Variants in STMND1 observed in about 807,000 individuals in gnomAD.
STMND1 encodes the protein stathmin domain containing 1.
A neutral mutation model predicts 23.0 loss-of-function variants in STMND1; 17 were observed. The ratio of observed to expected loss-of-function variants is 0.74; its 90% confidence interval spans 0.51 to 1.11. The LOEUF (loss-of-function observed/expected upper bound fraction) is 1.11. STMND1 is among the 50% of genes least tolerant of loss of function. STMND1 has a pLI of 0.00. For missense variants in STMND1, 305 were observed against 329.1 expected (o/e 0.93, Z 0.57); for synonymous variants, 114 against 119.9 (o/e 0.95, Z 0.32).
chr6:17,110,985 A>G (rs1349780825), intron 1 of STMND1: 4 of 403,356 alleles, frequency 9.9e-6, no homozygotes, highest in Non-Finnish European at 2.0e-5. Flanking sequence ...AAGACATGGT[A>G]GTCAGGGGAG....
Position 17,130,734 on chromosome 6 carries a change from A to G in STMND1, c.684A>G (p.Glu228=), listed in dbSNP as rs1055610035. ...AAAGGGTGAGGTCTGCTGGATTTGA[A>G]CCATCTGACCTGCAGGGAGGAAAAC... ...GLQRVRSAGF[E]PSDLQGGKPL... The change falls in exon 5 of 5, where the codon GAA becomes GAG. Residue 228 remains glutamate, a synonymous_variant. Coordinates refer to ENST00000536551, the MANE Select transcript of STMND1 (RefSeq NM_001190766.2). The G allele has an allele frequency of 6.5e-7, 1 of 1,536,080 alleles. No homozygotes were observed. The highest frequency in any genetic ancestry group is 8.7e-7 in the Non-Finnish European group (1 of 1,146,896).
rs1455447905 is a variant in STMND1 at position 17,122,048 on chromosome 6, A to G, written c.411+1290A>G. 2.6e-5 allele frequency among the ~76,000 whole-genome samples: 4 copies of G among 152,054 alleles called. No individual in the cohort carries two copies. In the East Asian group the frequency reaches 7.7e-4, roughly 29 times the overall value. ...CAGCTAATTTTTGTATTTTTAGTAGAGACAGGATTTCACCATCTTGACCAG... is the reference window on the plus strand; with the variant it reads ...CAGCTAATTTTTGTATTTTTAGTAGGGACAGGATTTCACCATCTTGACCAG... On this transcript the variant is annotated intron_variant, in intron 3 of 4. Coordinates refer to ENST00000536551, the MANE Select transcript of STMND1 (RefSeq NM_001190766.2).
chr6:17,109,151 TC>T (rs1761066375), intron 1 of STMND1, among the ~76,000 whole-genome samples: 2 of 152,192 alleles, frequency 1.3e-5, no homozygotes. Flanking sequence ...GAAAAGCACA[TC>T]GTTGCTTTTA....
chr6:17,120,443 T>C (rs551687067), intron 2 of STMND1, among the ~76,000 whole-genome samples, 164 bp from the exon 3 acceptor site: 3 of 152,272 alleles, frequency 2.0e-5, no homozygotes, highest in South Asian at 4.1e-4. Flanking sequence ...AATGAATAAT[T>C]TGAACTTCAA....
Position 17,131,056 on chromosome 6 carries a change from A to C in STMND1, c.*175A>C. On this transcript the variant is annotated 3_prime_UTR_variant, in exon 5 of 5. Coordinates refer to ENST00000536551, the MANE Select transcript of STMND1 (RefSeq NM_001190766.2). ...GGTTAGTTGAGTAAATTAAGTAGCT[A>C]TGCTAGCTTTTAAAAAAAGAGCGAG... 1.8e-6 allele frequency: 1 copy of C among 558,406 alleles called. No homozygotes were observed. Among genetic ancestry groups the C allele is most frequent in the African/African-American group, 1.9e-5 (1 of 53,096 alleles). The allele number at this position is 558,406 out of a possible 1,614,324, so 34.6% of individuals were successfully genotyped here.
rs979216934 is a variant in STMND1, at chr6:17,102,160, C to T, written c.-98C>T. 1.0e-5 allele frequency: 13 copies of T among 1,259,708 alleles called. No homozygotes were observed. The highest frequency in any genetic ancestry group is 9.0e-5 in the East Asian group (3 of 33,212). 78.0% of individuals were successfully genotyped at this position (1,259,708 alleles called of 1,614,324 possible). A position where few individuals can be genotyped will look rare whatever the true frequency, so the allele number is the denominator to read the frequency against. On this transcript the variant is annotated 5_prime_UTR_variant, in exon 1 of 5. Coordinates refer to ENST00000536551, the MANE Select transcript of STMND1 (RefSeq NM_001190766.2). Reference sequence around the variant, plus strand: ...AGTAGCAGGGGCGTAGGGCGCAGGGCGCAGGAGCGCGGGACCACCGGCGCC... The same window carrying T: ...AGTAGCAGGGGCGTAGGGCGCAGGGTGCAGGAGCGCGGGACCACCGGCGCC...
rs1192701411 is a variant in STMND1 at position 17,130,915 on chromosome 6, A to G, written c.*34A>G. 6.8e-7 allele frequency: 1 copy of G among 1,472,270 alleles called. No individual in the cohort carries two copies. 91.2% of individuals were successfully genotyped at this position (1,472,270 alleles called of 1,614,324 possible). On this transcript the variant is annotated 3_prime_UTR_variant, in exon 5 of 5. Transcript: ENST00000536551. ...TTGTGAATTTCATAAGAAAGCATTCATTCTCCCCATTTGTGACATTTGTAG... is the reference window on the plus strand; with the variant it reads ...TTGTGAATTTCATAAGAAAGCATTCGTTCTCCCCATTTGTGACATTTGTAG...
intron 2 of STMND1, among the ~76,000 whole-genome samples, chr6:17,117,333 T>C (rs1356486104): frequency 6.6e-6 from 1 of 152,184 alleles, no homozygotes; most frequent in Admixed American, 6.5e-5. Flanking sequence ...CCTCTCAAAG[T>C]GCTGGGATTA....
chr6:17,130,828 G>A lies in STMND1; in HGVS notation c.778G>A (p.Gly260Arg). The A allele has an allele frequency of 1.3e-6, 2 of 1,535,792 alleles. No individual in the cohort carries two copies. The highest frequency in any genetic ancestry group is 2.0e-5 in the Admixed American group (1 of 50,964). The part of the protein sequence containing the change: ...IDRNESDESF[G>R]VVESDMSYNQ... The stretch of plus-strand genomic sequence containing the variant: ...TAGAAACGAAAGTGATGAAAGTTTT[G>A]GGGTCGTGGAGTCAGACATGTCCTA... Residue 260 changes from glycine (G) to arginine (R), a missense_variant, in exon 5 of 5, where the codon GGG becomes AGG. Coordinates refer to ENST00000536551, the MANE Select transcript of STMND1 (RefSeq NM_001190766.2).
Position 17,115,285 on chromosome 6 carries a change from A to G in STMND1, c.259+146A>G, listed in dbSNP as rs1025017272. 5 of 739,268 alleles carry G rather than the reference A, an allele frequency of 6.8e-6. No individual in the cohort carries two copies. The African/African-American group carries it at 9.0e-5, about 13-fold the overall frequency. 45.8% of individuals were successfully genotyped at this position (739,268 alleles called of 1,614,324 possible). A position where few individuals can be genotyped will look rare whatever the true frequency, so the allele number is the denominator to read the frequency against. Reference sequence around the variant, plus strand: ...ATGGCAGTGTTTTTGTCTCTGAAACATTAGAATTTAGCCTTAGGCCTTCAT... The same window carrying G: ...ATGGCAGTGTTTTTGTCTCTGAAACGTTAGAATTTAGCCTTAGGCCTTCAT... On this transcript the variant is annotated intron_variant, in intron 2 of 4. Coordinates refer to ENST00000536551, the MANE Select transcript of STMND1 (RefSeq NM_001190766.2).
intron 1 of STMND1, among the ~76,000 whole-genome samples, chr6:17,109,392 T>A (rs1761069064): frequency 2.6e-5 from 4 of 152,216 alleles, no homozygotes; most frequent in Admixed American, 2.6e-4. Context: ...CCTAACTGAA[T>A]TATGAAAACC....
rs1156241654 is a variant in STMND1, at chr6:17,102,311, C to G, written c.54C>G (p.Pro18=). Residue 18 remains proline, a synonymous_variant, in exon 1 of 5, where the codon CCC becomes CCG. Coordinates refer to ENST00000536551, the MANE Select transcript of STMND1 (RefSeq NM_001190766.2). ...PAEDRRRVRA[P]KKGWKEEFKA... ...AAGACCGGAGACGTGTACGCGCGCC[C>G]AAGAAGGGCTGGAAAGAGGAATTCA... 2.0e-6 allele frequency: 3 copies of G among 1,535,872 alleles called. No individual in the cohort carries two copies. The highest frequency in any genetic ancestry group is 2.6e-6 in the Non-Finnish European group (3 of 1,146,866).
chr6:17,119,629 G>A (rs938967974), intron 2 of STMND1, among the ~76,000 whole-genome samples: 2 of 152,048 alleles, frequency 1.3e-5, no homozygotes, highest in African/African-American at 4.8e-5. Flanking sequence ...GAACCTGGGA[G>A]GAGGAGGTTG....
chr6:17,106,690 G>A (rs1026943523), intron 1 of STMND1, among the ~76,000 whole-genome samples: 1 of 152,110 alleles, frequency 6.6e-6, no homozygotes, highest in Non-Finnish European at 1.5e-5. Context: ...AATGCATAAG[G>A]CTTAGGGTTC....
intron 2 of STMND1, among the ~76,000 whole-genome samples, chr6:17,115,346 G>C (rs1033411606): frequency 1.5e-5 from 2 of 132,424 alleles, no homozygotes; most frequent in African/African-American, 5.8e-5. Context: ...TAATCTTCTT[G>C]TCAATGAAGT....
At chr6:17,108,987 A>G (rs1761063170) in intron 1 of STMND1, among the ~76,000 whole-genome samples, 1 of 152,058 alleles carries the variant, frequency 6.6e-6, no homozygotes, top group Non-Finnish European at 1.5e-5. Context: ...TATATTTTAT[A>G]TACATATAAA....
chr6:17,103,265 T>C (rs1760967405), intron 1 of STMND1, among the ~76,000 whole-genome samples: 1 of 152,200 alleles, frequency 6.6e-6, no homozygotes, highest in Non-Finnish European at 1.5e-5. Context: ...CTGGGACTTA[T>C]GGCCACCTTT....
intron 1 of STMND1, among the ~76,000 whole-genome samples, chr6:17,114,390 G>A (rs895731647): frequency 2.0e-5 from 3 of 151,284 alleles, no homozygotes; most frequent in Non-Finnish European, 2.9e-5. Context: ...TCAGCCTCCC[G>A]AGTAGCTCAG....
intron 1 of STMND1, among the ~76,000 whole-genome samples, chr6:17,104,257 C>T (rs1208037774): frequency 6.6e-6 from 1 of 152,184 alleles, no homozygotes; most frequent in African/African-American, 2.4e-5. Context: ...TTCAAAAATA[C>T]ATTAATGTCA....
Sources: allele counts gnomAD v4.1 joint callset (sites outside exome capture counted in the v4.1 genomes callset), GRCh38; gene constraint gnomAD v4.1.1; transcripts MANE v1.5; gene names NCBI Gene and HGNC (gene_info 2026-07-23, HGNC 2026-07-21).